The following CD247 variants were observed in gnomAD, a reference collection of about 807,000 sequenced individuals.
CD247 encodes the protein CD247 molecule, also known as T-cell surface glycoprotein CD3 zeta chain.
A neutral mutation model predicts 30.0 loss-of-function variants in CD247; 13 were observed. That is an observed-to-expected ratio of 0.43 (90% CI 0.28 to 0.69). CD247 has a LOEUF of 0.69. CD247 is among the 30% of genes least tolerant of loss of function. The pLI is 0.16. For missense variants in CD247, 193 were observed against 212.6 expected, an observed-to-expected ratio of 0.91 and a Z score of 0.57; for synonymous variants, 72 against 80.0, an observed-to-expected ratio of 0.90 and a Z score of 0.53.
At chr1:167,437,582 G>C (rs1436150722) in intron 4 of CD247, among the ~76,000 whole-genome samples, 1 of 152,148 alleles carries the variant, frequency 6.6e-6, no homozygotes, top group Non-Finnish European at 1.5e-5. Context: ...TGGAACTAGA[G>C]ACCATTATGC....
At chr1:167,432,925 G>T in intron 7 of CD247, 99 bp downstream of exon 7, 1 of 1,346,254 alleles carries the variant, frequency 7.4e-7, no homozygotes, top group East Asian at 2.3e-5. Flanking sequence ...CCAGCTGTTG[G>T]CAAGAGCTGG....
intron 1 of CD247, among the ~76,000 whole-genome samples, chr1:167,489,674 G>A (rs1433526631): frequency 3.9e-5 from 6 of 152,154 alleles, no homozygotes; most frequent in African/African-American, 9.7e-5. Context: ...TCAGAAAGGA[G>A]GCTGAAGGGT....
At chr1:167,473,748 C>G (rs935684774) in intron 1 of CD247, among the ~76,000 whole-genome samples, 2 of 152,148 alleles carry the variant, frequency 1.3e-5, no homozygotes, top group African/African-American at 4.8e-5. Flanking sequence ...ACTGGAGACC[C>G]CCCAGACTTT....
At chr1:167,505,551 C>T (rs752111479) in intron 1 of CD247, among the ~76,000 whole-genome samples, 1 of 152,252 alleles carries the variant, frequency 6.6e-6, no homozygotes, top group African/African-American at 2.4e-5. Context: ...GAGTGCAGCT[C>T]ATGTGGGGCA....
intron 1 of CD247, among the ~76,000 whole-genome samples, chr1:167,483,078 G>A (rs34318347): frequency 0.017 from 2,575 of 148,208 alleles, 31 homozygotes; most frequent in Middle Eastern, 0.035. Context: ...GCATGATCTC[G>A]GCTCACAGCA....
intron 1 of CD247, among the ~76,000 whole-genome samples, chr1:167,511,552 T>C (rs541031804): frequency 1.1e-4 from 17 of 152,314 alleles, no homozygotes; most frequent in African/African-American, 3.8e-4. Context: ...AAACATATAG[T>C]TCTATATTAA....
chr1:167,494,480 C>T lies in CD247; in HGVS notation c.58+23928G>A, dbSNP rs1378940632. Among the ~76,000 whole-genome samples, 2 of 152,116 alleles carry T rather than the reference C, an allele frequency of 1.3e-5. No homozygotes were observed. Among genetic ancestry groups the T allele is most frequent in the African/African-American group, 4.8e-5 (2 of 41,412 alleles). ...GCATAGCTCCCTGGGCTGCAGTTTT[C>T]CCATCTGTGATATGGGGATAATGTC... On this transcript the variant is annotated intron_variant, in intron 1 of 7. Transcript: ENST00000362089. The surrounding 1 kb of genome is among the most constrained non-coding windows in gnomAD (Gnocchi z 7.3).
intron 1 of CD247, among the ~76,000 whole-genome samples, chr1:167,509,366 T>C (rs1485219717): frequency 1.7e-5 from 2 of 118,284 alleles, no homozygotes; most frequent in South Asian, 2.6e-4. Context: ...CGAAACTCTG[T>C]CTCAAAAAAA....
rs1418108 is a variant in CD247 at position 167,494,070 on chromosome 1, A to G, written c.58+24338T>C. On this transcript the variant is annotated intron_variant, in intron 1 of 7. Coordinates refer to ENST00000362089, the MANE Select transcript of CD247 (RefSeq NM_198053.3). This position sits in a 1 kb window ranked among gnomAD's most constrained non-coding sequence, Gnocchi z 7.3. ...GGAGGCTGGAGGCTGCAAAATGATGACAGAGCTTGGGGCTATGATCTGGAC... is the reference window on the plus strand; with the variant it reads ...GGAGGCTGGAGGCTGCAAAATGATGGCAGAGCTTGGGGCTATGATCTGGAC... Among the ~76,000 whole-genome samples the G allele has an allele frequency of 3.3e-5, 5 of 152,044 alleles. No individual in the cohort carries two copies. Among genetic ancestry groups the G allele is most frequent in the Admixed American group, 3.3e-4 (5 of 15,260 alleles).
intron 1 of CD247, 44 bp downstream of exon 1, chr1:167,518,364 A>C: frequency 1.3e-6 from 2 of 1,599,288 alleles, no homozygotes; most frequent in Non-Finnish European, 1.7e-6. Flanking sequence ...ACACATACAC[A>C]AAGAGTTTCT....
At chr1:167,451,826 G>A (rs753718238) in intron 1 of CD247, among the ~76,000 whole-genome samples, 1 of 152,236 alleles carries the variant, frequency 6.6e-6, no homozygotes, top group Non-Finnish European at 1.5e-5. Context: ...ACAAGATTAG[G>A]TCGGGCGAGG....
intron 1 of CD247, among the ~76,000 whole-genome samples, chr1:167,503,164 C>T (rs1411290917): frequency 2.6e-5 from 4 of 152,214 alleles, no homozygotes; most frequent in African/African-American, 9.6e-5. Flanking sequence ...GGGGTGGCAG[C>T]TTGCGTCTGC....
intron 1 of CD247, among the ~76,000 whole-genome samples, chr1:167,444,783 A>G (rs1013469468): frequency 6.6e-6 from 1 of 152,228 alleles, no homozygotes; most frequent in Non-Finnish European, 1.5e-5. Flanking sequence ...AACAGATGCA[A>G]TAAAATTAAA....
Position 167,435,385 on chromosome 1 carries a change from T to G in CD247, c.336+14A>C. On this transcript the variant is annotated intron_variant, in intron 5 of 7. Coordinates refer to ENST00000362089, the MANE Select transcript of CD247 (RefSeq NM_198053.3). ...CAACTTTCCAAGGTCAAATGTGAGG[T>G]CTCCTCTACTCACATTGTACAGGCC... 1 of 1,597,680 alleles carries G rather than the reference T, an allele frequency of 6.3e-7. No individual in the cohort carries two copies. Among genetic ancestry groups the G allele is most frequent in the South Asian group, 1.1e-5 (1 of 90,736 alleles).
At chr1:167,492,931 A>G (rs1051686021) in intron 1 of CD247, among the ~76,000 whole-genome samples, 5 of 150,836 alleles carry the variant, frequency 3.3e-5, no homozygotes, top group African/African-American at 1.2e-4. Context: ...TTGGGGCTGT[A>G]TGCTTATTGT....
chr1:167,490,305 CCTCT>C (rs1454548948), intron 1 of CD247, among the ~76,000 whole-genome samples: 1 of 152,170 alleles, frequency 6.6e-6, no homozygotes, highest in Non-Finnish European at 1.5e-5. Context: ...TCTATCTTCC[CCTCT>C]CTATCTCTTT....
At chr1:167,506,487 A>G (rs1033704167) in intron 1 of CD247, among the ~76,000 whole-genome samples, 1 of 151,920 alleles carries the variant, frequency 6.6e-6, no homozygotes, top group African/African-American at 2.4e-5. Flanking sequence ...AGCTGAGACT[A>G]CAGGGGGGTG....
chr1:167,466,968 T>C (rs1653279275), intron 1 of CD247, among the ~76,000 whole-genome samples: 1 of 152,056 alleles, frequency 6.6e-6, no homozygotes, highest in African/African-American at 2.4e-5. Flanking sequence ...GCCTCCCGAG[T>C]AGCTGGGACT....
chr1:167,431,725 CCTT>C lies in CD247; in HGVS notation c.448_450del (p.Lys150del), dbSNP rs1260701596. On this transcript the variant is annotated inframe_deletion, in exon 8 of 8. Transcript: ENST00000362089. ...TGCATGTGAAGGGCGTCGTAGGTGT[CCTT>C]GGTGGCTGTACTGAGACCCTGGCGT... is the stretch of plus-strand genomic sequence containing the variant. 1.2e-5 allele frequency: 20 copies of C among 1,613,886 alleles called. No homozygotes were observed. Among genetic ancestry groups the C allele is most frequent in the Non-Finnish European group, 1.6e-5 (19 of 1,179,990 alleles).
Sources: allele counts gnomAD v4.1 joint callset (sites outside exome capture counted in the v4.1 genomes callset), GRCh38; gene constraint gnomAD v4.1.1; non-coding constraint Gnocchi (gnomAD v3.1); transcripts MANE v1.5; gene names NCBI Gene and HGNC (gene_info 2026-07-23, HGNC 2026-07-21).